The following IQSEC1 variants were observed in gnomAD, a reference collection of about 807,000 sequenced individuals.
IQSEC1 encodes IQ motif and SEC7 domain-containing protein 1.
In IQSEC1, 31 loss-of-function variants were observed where a neutral mutation model predicts 91.0. The ratio of observed to expected loss-of-function variants is 0.34; its 90% CI spans 0.26 to 0.46. The LOEUF is 0.46. IQSEC1 is among the 20% of genes least tolerant of loss of function. The pLI is 1.00. For synonymous variants in IQSEC1, 699 were observed against 662.6 expected (o/e 1.05, Z -0.84); for missense variants, 1,388 against 1,575.6 (o/e 0.88, Z 2.02).
rs139838328 is a variant in IQSEC1 at position 12,932,066 on chromosome 3, G to T, written c.1568+3382C>A. Among the ~76,000 whole-genome samples the T allele has an allele frequency of 2.5e-3, 375 of 152,340 alleles. 2 individuals are homozygous for T. The highest frequency in any genetic ancestry group is 3.8e-3 in the Non-Finnish European group (257 of 68,026). The stretch of plus-strand genomic sequence containing the variant: ...GTCTGGTGTGGCTCACCTGTGACAT[G>T]GTCACCTGGGCTCATTCCAGGGAGG... On this transcript the variant is annotated intron_variant, in intron 3 of 13. Coordinates refer to ENST00000613206, the MANE Select transcript of IQSEC1 (RefSeq NM_001134382.3).
At chr3:13,074,832 C>T (rs551685140), upstream of IQSEC1, among the ~76,000 whole-genome samples, 1 of 152,332 alleles carries the variant, frequency 6.6e-6, no homozygotes, top group African/African-American at 2.4e-5. Context: ...GATGCTGCAT[C>T]CTTGAGTTCC....
At chr3:13,097,802 G>T (rs774145892) in intron 2 of IQSEC1, among the ~76,000 whole-genome samples, 1 of 152,122 alleles carries the variant, frequency 6.6e-6, no homozygotes, top group South Asian at 2.1e-4. Context: ...GATTAATAAC[G>T]TGCAGACCCA....
intron 2 of IQSEC1, among the ~76,000 whole-genome samples, chr3:13,127,455 A>G (rs983880782): frequency 2.0e-5 from 3 of 151,766 alleles, no homozygotes; most frequent in Admixed American, 2.0e-4. Flanking sequence ...AAAAAAAAAA[A>G]CCAGAGTTCT....
intron 1 of IQSEC1, among the ~76,000 whole-genome samples, chr3:13,268,404 C>A (rs977710942): frequency 6.6e-6 from 1 of 152,206 alleles, no homozygotes; most frequent in African/African-American, 2.4e-5. Flanking sequence ...TTCAGCCCAT[C>A]TCATAGAAGA....
intron 1 of IQSEC1, among the ~76,000 whole-genome samples, chr3:13,239,990 C>T (rs1342681795): frequency 6.6e-6 from 1 of 152,098 alleles, no homozygotes; most frequent in Non-Finnish European, 1.5e-5. Context: ...GCTAATGCCA[C>T]TTTGCGCGCA....
intron 2 of IQSEC1, among the ~76,000 whole-genome samples, chr3:13,091,355 C>T (rs139603895): frequency 8.7e-4 from 133 of 152,344 alleles, no homozygotes; most frequent in Middle Eastern, 6.8e-3. Context: ...AGCCATAGAC[C>T]GTGCCTGGCA....
chr3:13,148,113 C>T (rs1706927305), intron 2 of IQSEC1, among the ~76,000 whole-genome samples: 1 of 152,200 alleles, frequency 6.6e-6, no homozygotes, highest in African/African-American at 2.4e-5. Flanking sequence ...TCACCATGTC[C>T]ACACCAATAT....
intron 1 of IQSEC1, among the ~76,000 whole-genome samples, chr3:13,014,022 C>A (rs1703004856): frequency 6.6e-6 from 1 of 152,172 alleles, no homozygotes; most frequent in Non-Finnish European, 1.5e-5. Flanking sequence ...CAGGTGTGGG[C>A]AGCCACCTGG....
rs1694830759 is a variant in IQSEC1 at position 13,231,007 on chromosome 3, T to G, written c.272+51704A>C. Among the ~76,000 whole-genome samples, 5 of 152,236 alleles carry G rather than the reference T, an allele frequency of 3.3e-5. No homozygotes were observed. In the South Asian group the frequency reaches 1.0e-3, roughly 32 times the overall value. On this transcript the variant is annotated intron_variant, in intron 1 of 15. Transcript: ENST00000648114. ...AACTGCTGATTTCTTTGGGGCACTG[T>G]CCCCTTAAACTTTTCATAAAGTATT...
chr3:13,086,305 G>A (rs573967485), intron 2 of IQSEC1, among the ~76,000 whole-genome samples: 83 of 149,706 alleles, frequency 5.5e-4, no homozygotes, highest in African/African-American at 1.7e-3. Flanking sequence ...CCACCGTGGC[G>A]GGGATGACAC....
chr3:13,124,624 T>C (rs1301025004), intron 2 of IQSEC1, among the ~76,000 whole-genome samples: 1 of 152,176 alleles, frequency 6.6e-6, no homozygotes, highest in African/African-American at 2.4e-5. Flanking sequence ...ATCCATGCTG[T>C]GGTGGCTAGG....
chr3:12,967,774 CG>C lies in IQSEC1; in HGVS notation c.24-25910del. 1.2e-6 allele frequency: 1 copy of C among 813,172 alleles called. No individual in the cohort carries two copies. Among genetic ancestry groups the C allele is most frequent in the Non-Finnish European group, 1.5e-6 (1 of 667,194 alleles). The allele number at this position is 813,172 out of a possible 1,614,324, so 50.4% of individuals were successfully genotyped here. A position where few individuals can be genotyped will look rare whatever the true frequency, so the allele number is the denominator to read the frequency against. Reference sequence around the variant, plus strand: ...GCGGGGCCGGAGGGCGAGCTGGGGGCGGGGCCGGAGGGCGAGCTGGGGGCGG... The same window carrying C: ...GCGGGGCCGGAGGGCGAGCTGGGGGCGGGCCGGAGGGCGAGCTGGGGGCGG... On this transcript the variant is annotated intron_variant, in intron 1 of 13. Transcript: ENST00000613206. This position sits in a 1 kb window ranked among gnomAD's most constrained non-coding sequence, Gnocchi z 5.9.
At chr3:12,951,736 G>A (rs1199925727) in intron 1 of IQSEC1, among the ~76,000 whole-genome samples, 1 of 152,214 alleles carries the variant, frequency 6.6e-6, no homozygotes, top group Non-Finnish European at 1.5e-5. Flanking sequence ...AGCAATGCTG[G>A]TCGCCTCCCC....
intron 1 of IQSEC1, among the ~76,000 whole-genome samples, chr3:13,255,016 G>A (rs1040031280): frequency 5.3e-5 from 8 of 152,224 alleles, no homozygotes; most frequent in East Asian, 1.9e-4. Flanking sequence ...CAATCAGAGC[G>A]GACGCACTGG....
intron 1 of IQSEC1, among the ~76,000 whole-genome samples, chr3:13,164,978 G>A (rs1163531759): frequency 1.3e-5 from 2 of 152,178 alleles, no homozygotes; most frequent in Non-Finnish European, 2.9e-5. Context: ...TTTCAGTAAC[G>A]TTCCAGAACG....
At chr3:13,016,875 C>T (rs961883165) in intron 1 of IQSEC1, among the ~76,000 whole-genome samples, 5 of 152,174 alleles carry the variant, frequency 3.3e-5, no homozygotes, top group Non-Finnish European at 5.9e-5. Context: ...ATATTTTCAT[C>T]ACTCAAAAAG....
At chr3:13,176,934 T>C (rs1453657432) in intron 1 of IQSEC1, among the ~76,000 whole-genome samples, 1 of 152,212 alleles carries the variant, frequency 6.6e-6, no homozygotes, top group African/African-American at 2.4e-5. Context: ...CACATCTGGA[T>C]AAAGAAGCCA....
chr3:12,957,870 ACAT>A (rs1197993183), intron 1 of IQSEC1, among the ~76,000 whole-genome samples: 2 of 152,262 alleles, frequency 1.3e-5, no homozygotes, highest in East Asian at 1.9e-4. Flanking sequence ...CTACGGTGAC[ACAT>A]CATCATCACC....
intron 1 of IQSEC1, among the ~76,000 whole-genome samples, chr3:13,039,997 C>T (rs1456131492): frequency 1.3e-5 from 2 of 152,266 alleles, no homozygotes; most frequent in East Asian, 3.8e-4. Context: ...CATGACTCCA[C>T]TTCGTGGCAT....
Sources: allele counts gnomAD v4.1 joint callset (sites outside exome capture counted in the v4.1 genomes callset), GRCh38; gene constraint gnomAD v4.1.1; non-coding constraint Gnocchi (gnomAD v3.1); transcripts MANE v1.5; gene names NCBI Gene and HGNC (gene_info 2026-07-23, HGNC 2026-07-21).